The following RRAGD variants were observed in gnomAD, a reference collection of about 807,000 sequenced individuals.
RRAGD encodes the protein ras-related GTP-binding protein D.
In RRAGD, 12 loss-of-function variants were observed where a neutral mutation model predicts 35.5. The observed-to-expected ratio is 0.34, with a 90% CI of 0.22 to 0.55. RRAGD has a LOEUF of 0.55. Ranked by LOEUF, RRAGD falls within the 20% of genes least tolerant of loss-of-function variation. RRAGD has a pLI of 0.91. For synonymous variants in RRAGD, 155 were observed against 178.9 expected (o/e 0.87, Z 1.07); for missense variants, 324 against 490.1 (o/e 0.66, Z 3.20).
intron 3 of RRAGD, among the ~76,000 whole-genome samples, chr6:89,379,680 A>C (rs1186568895): frequency 6.6e-6 from 1 of 152,238 alleles, no homozygotes; most frequent in Non-Finnish European, 1.5e-5. Flanking sequence ...TTGTCCAATT[A>C]GTAACTTATA....
rs1769694838 is a variant in RRAGD, at chr6:89,411,607, ACTCC to A, written c.148+235_148+238del. ...GCGCGCTCCTCCAGCCCAGACGCTT[ACTCC>A]CTCCTTCCCCTTTTCCACCGATCCT... On this transcript the variant is annotated intron_variant, in intron 1 of 6. Transcript: ENST00000369415. The surrounding 1 kb of genome is among the most constrained non-coding windows in gnomAD (Gnocchi z 5.6). 20 of 545,750 alleles carry A rather than the reference ACTCC, an allele frequency of 3.7e-5. No individual in the cohort carries two copies. Among genetic ancestry groups the A allele is most frequent in the South Asian group, 3.4e-4 (16 of 47,240 alleles). 33.8% of individuals were successfully genotyped at this position (545,750 alleles called of 1,614,324 possible).
At chr6:89,387,696 C>T in intron 1 of RRAGD, 106 bp from the exon 2 acceptor site, 1 of 1,112,370 alleles carries the variant, frequency 9.0e-7, no homozygotes, top group Non-Finnish European at 1.3e-6. Flanking sequence ...CAGATGATGC[C>T]ACTCTTCCAA....
chr6:89,390,160 C>G (rs1445453638), intron 1 of RRAGD, among the ~76,000 whole-genome samples: 1 of 151,796 alleles, frequency 6.6e-6, no homozygotes, highest in African/African-American at 2.4e-5. Context: ...TTAGCTATCA[C>G]AGCAAAAGCA....
intron 6 of RRAGD, among the ~76,000 whole-genome samples, chr6:89,372,040 C>A (rs189155438): frequency 6.6e-6 from 1 of 152,310 alleles, no homozygotes; most frequent in East Asian, 1.9e-4. Flanking sequence ...TACCTAAGAC[C>A]TTCTAGAGGT....
intron 1 of RRAGD, among the ~76,000 whole-genome samples, chr6:89,405,740 C>A (rs1204096718): frequency 5.3e-5 from 8 of 152,204 alleles, no homozygotes; most frequent in Non-Finnish European, 2.9e-5. Context: ...GTGGAATCAA[C>A]AAACGCTTAA....
intron 5 of RRAGD, among the ~76,000 whole-genome samples, chr6:89,374,955 C>T (rs1283770232): frequency 6.6e-6 from 1 of 152,048 alleles, no homozygotes; most frequent in East Asian, 1.9e-4. Flanking sequence ...GAACAAGAAA[C>T]TGAAACATTT....
chr6:89,367,147 C>T lies in RRAGD; in HGVS notation c.*909G>A, dbSNP rs1168769237. ...CAGAATTGTATCTATGTTTTTTAGT[C>T]TGCAGTTGCCAATCACATACTTTTG... is the stretch of plus-strand genomic sequence containing the variant. On this transcript the variant is annotated 3_prime_UTR_variant, in exon 7 of 7. Coordinates refer to ENST00000369415, the MANE Select transcript of RRAGD (RefSeq NM_021244.5). The T allele has an allele frequency of 6.6e-6, 1 of 152,182 alleles. No homozygotes were observed. Among genetic ancestry groups the T allele is most frequent in the Non-Finnish European group, 1.5e-5 (1 of 68,052 alleles). 9.4% of individuals were successfully genotyped at this position (152,182 alleles called of 1,614,324 possible). A position where few individuals can be genotyped will look rare whatever the true frequency, so the allele number is the denominator to read the frequency against.
At chr6:89,396,537 T>C (rs979715584) in intron 1 of RRAGD, among the ~76,000 whole-genome samples, 2 of 151,798 alleles carry the variant, frequency 1.3e-5, no homozygotes, top group Non-Finnish European at 2.9e-5. Flanking sequence ...GTGATCCTCC[T>C]GGACTCAGCC....
intron 1 of RRAGD, among the ~76,000 whole-genome samples, chr6:89,398,677 A>G (rs1769388437): frequency 6.6e-6 from 1 of 152,234 alleles, no homozygotes; most frequent in South Asian, 2.1e-4. Flanking sequence ...GGTGCCTACA[A>G]TGTGCCAGGC....
At chr6:89,382,521 G>A (rs956402068) in intron 2 of RRAGD, among the ~76,000 whole-genome samples, 1 of 151,632 alleles carries the variant, frequency 6.6e-6, no homozygotes, top group African/African-American at 2.4e-5. Context: ...GTTACAATGA[G>A]CTATGATCTT....
Position 89,411,695 on chromosome 6 carries a change from T to C in RRAGD, c.148+151A>G. Reference sequence around the variant, plus strand: ...CATTTGGCAGCTCGAGGTCGGGCTTTTGGCGTCCCTCCCCACCCCAAACCC... The same window carrying C: ...CATTTGGCAGCTCGAGGTCGGGCTTCTGGCGTCCCTCCCCACCCCAAACCC... On this transcript the variant is annotated intron_variant, in intron 1 of 6. Coordinates refer to ENST00000369415, the MANE Select transcript of RRAGD (RefSeq NM_021244.5). The surrounding 1 kb of genome is among the most constrained non-coding windows in gnomAD (Gnocchi z 5.6). The C allele has an allele frequency of 1.2e-6, 1 of 853,946 alleles. No individual in the cohort carries two copies. The highest frequency in any genetic ancestry group is 1.7e-6 in the Non-Finnish European group (1 of 578,370). The allele number at this position is 853,946 out of a possible 1,614,324, so 52.9% of individuals were successfully genotyped here.
chr6:89,389,417 G>A (rs1769192583), intron 1 of RRAGD, among the ~76,000 whole-genome samples: 1 of 151,982 alleles, frequency 6.6e-6, no homozygotes, highest in South Asian at 2.1e-4. Flanking sequence ...TTAGCCAGGC[G>A]TGGTGGCGGG....
At chr6:89,400,595 T>TAA (rs11447080) in intron 1 of RRAGD, among the ~76,000 whole-genome samples, 26 of 138,178 alleles carry the variant, frequency 1.9e-4, no homozygotes, top group African/African-American at 1.9e-4. Flanking sequence ...GGACAGGCAC[T>TAA]AAAAAAAAAA....
intron 5 of RRAGD, among the ~76,000 whole-genome samples, chr6:89,373,577 C>T (rs1768887532): frequency 6.9e-6 from 1 of 144,652 alleles, no homozygotes; most frequent in African/African-American, 2.6e-5. Flanking sequence ...GAGATTGTGC[C>T]ACTGTACTCT....
intron 2 of RRAGD, among the ~76,000 whole-genome samples, chr6:89,383,884 G>A (rs535255039): frequency 1.2e-4 from 19 of 152,244 alleles, no homozygotes; most frequent in African/African-American, 3.9e-4. Flanking sequence ...AGCACTTTGG[G>A]AGGCCGAGGC....
intron 1 of RRAGD, among the ~76,000 whole-genome samples, chr6:89,409,240 C>T (rs1769647800): frequency 6.6e-6 from 1 of 152,212 alleles, no homozygotes; most frequent in Non-Finnish European, 1.5e-5. Context: ...TAGTCCACTT[C>T]TCTTGCACAG....
chr6:89,406,248 G>T (rs1474120593), intron 1 of RRAGD, among the ~76,000 whole-genome samples: 1 of 152,140 alleles, frequency 6.6e-6, no homozygotes, highest in Admixed American at 6.5e-5. Flanking sequence ...AAGGGAGAAG[G>T]GAAGTGCCAG....
At chr6:89,404,190 C>T in intron 1 of RRAGD, among the ~76,000 whole-genome samples, 1 of 152,150 alleles carries the variant, frequency 6.6e-6, no homozygotes, top group Non-Finnish European at 1.5e-5. Context: ...GCCTGTGTAA[C>T]ACAAAGTATA....
chr6:89,379,387 C>G (rs1286381041), intron 3 of RRAGD, 49 bp from the exon 4 acceptor site: 1 of 987,538 alleles, frequency 1.0e-6, no homozygotes, highest in South Asian at 1.4e-5. Context: ...GAATGAGGAA[C>G]AGGCTGCTTA....
Sources: allele counts gnomAD v4.1 joint callset (sites outside exome capture counted in the v4.1 genomes callset), GRCh38; gene constraint gnomAD v4.1.1; non-coding constraint Gnocchi (gnomAD v3.1); transcripts MANE v1.5; gene names NCBI Gene and HGNC (gene_info 2026-07-23, HGNC 2026-07-21).